Variants in ARFGAP3 observed in about 807,000 individuals in gnomAD.
The protein encoded by ARFGAP3 is ARF GTPase activating protein 3, also known as ADP-ribosylation factor GTPase-activating protein 3.
A neutral mutation model predicts 75.0 loss-of-function variants in ARFGAP3; 72 were observed. The observed-to-expected ratio is 0.96, with a 90% CI of 0.79 to 1.17. The LOEUF (loss-of-function observed/expected upper bound fraction) is 1.17. ARFGAP3 is among the 50% of genes most tolerant of loss of function. The pLI is 0.00. For missense variants in ARFGAP3, 620 were observed against 626.6 expected, an observed-to-expected ratio of 0.99 and a Z score of 0.11; for synonymous variants, 221 against 217.9, an observed-to-expected ratio of 1.01 and a Z score of -0.13.
Position 42,817,812 on chromosome 22 carries a change from C to T in ARFGAP3, c.858G>A (p.Met286Ile). ...RLAYKDLEIQ[M>I]KKDEKMNISG... ...TAATGTTCATCTTTTCGTCTTTCTTCATTTGAATTTCAAGATCCTTATAGG... is the reference window on the plus strand; with the variant it reads ...TAATGTTCATCTTTTCGTCTTTCTTTATTTGAATTTCAAGATCCTTATAGG... The change falls in exon 10 of 16, where the codon ATG becomes ATA. Residue 286 changes from methionine to isoleucine, a missense_variant. Physicochemically the swap from Met to Ile is conservative, Grantham distance 10. Transcript: ENST00000263245. The T allele has an allele frequency of 1.2e-6, 2 of 1,613,212 alleles. No homozygotes were observed. Among genetic ancestry groups the T allele is most frequent in the South Asian group, 2.2e-5 (2 of 90,988 alleles).
intron 14 of ARFGAP3, among the ~76,000 whole-genome samples, chr22:42,806,665 C>T (rs1359351704): frequency 2.0e-5 from 3 of 152,222 alleles, no homozygotes; most frequent in Non-Finnish European, 2.9e-5. Flanking sequence ...TATCCACCCC[C>T]GTTACAGAGG....
chr22:42,841,144 A>G (rs567889255), intron 2 of ARFGAP3, 128 bp from the exon 3 acceptor site: 1 of 1,457,682 alleles, frequency 6.9e-7, no homozygotes, highest in East Asian at 2.5e-5. Context: ...GTCAACAAGG[A>G]CCCACACTTT....
rs890146426 is a variant in ARFGAP3, at chr22:42,834,140, T to G, written c.477+102A>C. 8 of 1,088,602 alleles carry G rather than the reference T, an allele frequency of 7.3e-6. No individual in the cohort carries two copies. In the Admixed American group the frequency reaches 9.1e-5, roughly 12 times the overall value. 67.4% of individuals were successfully genotyped at this position (1,088,602 alleles called of 1,614,324 possible). On this transcript the variant is annotated intron_variant, in intron 5 of 15. Transcript: ENST00000263245. ...TTCAGTAGTTATGTTTCAGCACTTC[T>G]TGTTACAAGAGCTTAGCCTACATCC...
At chr22:42,849,400 C>G (rs940993182) in intron 1 of ARFGAP3, among the ~76,000 whole-genome samples, 1 of 152,212 alleles carries the variant, frequency 6.6e-6, no homozygotes, top group African/African-American at 2.4e-5. Context: ...CCGAGGACTA[C>G]GTTCCCTGCC....
chr22:42,813,867 C>T (rs992776360), intron 11 of ARFGAP3, among the ~76,000 whole-genome samples: 2 of 152,236 alleles, frequency 1.3e-5, no homozygotes, highest in Non-Finnish European at 2.9e-5. Flanking sequence ...ATCTCCAAAC[C>T]TTTATTGGCT....
rs550214798 is a variant in ARFGAP3, at chr22:42,826,994, G to A, written c.571C>T (p.Gln191Ter). 8 of 1,613,102 alleles carry A rather than the reference G, an allele frequency of 5.0e-6. No homozygotes were observed. In the South Asian group the frequency reaches 5.5e-5, roughly 11 times the overall value. The change falls in exon 7 of 16, where the codon CAA becomes TAA. Residue 191 changes from glutamine to a stop codon, truncating the protein, a stop_gained. Transcript: ENST00000263245. LOFTEE classifies it high-confidence loss of function. ...ETTLENNEGGQEQGPSVEGLN... is the reference protein window; with the variant it reads ...ETTLENNEGG ...CCTTCCACACTTGGTCCTTGCTCTT[G>A]TCCACCTGAAAATTCAAAACATTGA...
At chr22:42,804,610 G>C (rs902528383) in intron 14 of ARFGAP3, among the ~76,000 whole-genome samples, 4 of 152,044 alleles carry the variant, frequency 2.6e-5, no homozygotes, top group African/African-American at 9.7e-5. Flanking sequence ...TCGATCTCTT[G>C]ACCTCGTGAT....
At chr22:42,803,675 T>C (rs1384836200) in intron 14 of ARFGAP3, among the ~76,000 whole-genome samples, 20 of 152,150 alleles carry the variant, frequency 1.3e-4, no homozygotes, top group Non-Finnish European at 4.4e-5. Flanking sequence ...ACAGGGACTG[T>C]TGCTGTGCCA....
chr22:42,803,016 G>C (rs890695065), intron 14 of ARFGAP3, among the ~76,000 whole-genome samples: 3 of 152,136 alleles, frequency 2.0e-5, no homozygotes, highest in African/African-American at 7.2e-5. Flanking sequence ...GTTTGTTTGA[G>C]ACAGGGACTC....
intron 3 of ARFGAP3, among the ~76,000 whole-genome samples, chr22:42,838,159 AT>A (rs1244797085): frequency 4.6e-5 from 7 of 151,828 alleles, no homozygotes; most frequent in African/African-American, 1.7e-4. Context: ...TATCTAATTA[AT>A]TGATTTTTAT....
chr22:42,808,397 C>CAA (rs200499015), intron 13 of ARFGAP3, among the ~76,000 whole-genome samples: 3,105 of 122,114 alleles, frequency 0.025, 171 homozygotes, highest in East Asian at 0.2. Flanking sequence ...GGCTCCGTCT[C>CAA]AAAAAAAAAA....
At chr22:42,835,258 T>G in intron 4 of ARFGAP3, 104 bp downstream of exon 4, 1 of 1,357,362 alleles carries the variant, frequency 7.4e-7, no homozygotes, top group Non-Finnish European at 1.0e-6. Flanking sequence ...TAATTCCTTG[T>G]AAGACAACTC....
At chr22:42,804,078 A>AT (rs943599122) in intron 14 of ARFGAP3, among the ~76,000 whole-genome samples, 2 of 150,998 alleles carry the variant, frequency 1.3e-5, no homozygotes, top group Non-Finnish European at 3.0e-5. Flanking sequence ...TAATTTTTGT[A>AT]TTTTTTGTAG....
Position 42,820,042 on chromosome 22 carries a change from G to A in ARFGAP3, c.813-2185C>T, listed in dbSNP as rs13056127. The stretch of plus-strand genomic sequence containing the variant: ...TTGCTTCCTGTTTTCAGGAAGATTA[G>A]CATGTTAATATTAGAAGTAACAACC... On this transcript the variant is annotated intron_variant, in intron 9 of 15. Transcript: ENST00000263245. Among the ~76,000 whole-genome samples the A allele has an allele frequency of 4.6e-5, 7 of 152,250 alleles. No individual in the cohort carries two copies. The East Asian group carries it at 9.6e-4, about 21-fold the overall frequency.
chr22:42,846,467 G>T (rs1171136683), intron 2 of ARFGAP3, among the ~76,000 whole-genome samples: 1 of 152,220 alleles, frequency 6.6e-6, no homozygotes, highest in African/African-American at 2.4e-5. Context: ...TCCAAAGGTG[G>T]TGTCTTCTTC....
intron 2 of ARFGAP3, 78 bp from the exon 3 acceptor site, chr22:42,841,094 T>A (rs1429725505): frequency 6.5e-7 from 1 of 1,547,480 alleles, no homozygotes; most frequent in Non-Finnish European, 8.7e-7. Context: ...GAGAACAAGG[T>A]TTCCTTAGGC....
chr22:42,817,358 C>A lies in ARFGAP3; in HGVS notation c.942-94G>T. 4 of 1,470,250 alleles carry A rather than the reference C, an allele frequency of 2.7e-6. No individual in the cohort carries two copies. The South Asian group carries it at 4.2e-5, about 15-fold the overall frequency. The allele number at this position is 1,470,250 out of a possible 1,614,324, so 91.1% of individuals were successfully genotyped here. On this transcript the variant is annotated intron_variant, in intron 10 of 15. Coordinates refer to ENST00000263245, the MANE Select transcript of ARFGAP3 (RefSeq NM_014570.5). ...CTTTAATTTATGTTTTGAACAAAGA[C>A]AAATGTATTCGAGGGGTTAAAAACA...
chr22:42,820,324 G>A (rs1829476066), intron 9 of ARFGAP3, among the ~76,000 whole-genome samples: 1 of 152,120 alleles, frequency 6.6e-6, no homozygotes. Context: ...TGTACACAAA[G>A]CATTTCAAAC....
At chr22:42,807,406 G>A (rs909191539) in intron 13 of ARFGAP3, 3 of 259,006 alleles carry the variant, frequency 1.2e-5, no homozygotes, top group East Asian at 1.8e-4. Context: ...TGGCCAGTGC[G>A]GAGGCCGTCG....
Sources: allele counts gnomAD v4.1 joint callset (sites outside exome capture counted in the v4.1 genomes callset), GRCh38; gene constraint gnomAD v4.1.1; transcripts MANE v1.5; gene names NCBI Gene and HGNC (gene_info 2026-07-23, HGNC 2026-07-21).